Variants in NLRP1 observed in about 807,000 individuals in gnomAD.
NLRP1 encodes the protein NACHT, LRR and PYD domains-containing protein 1.
Under a neutral mutation model 136.7 loss-of-function variants are expected in NLRP1, and 94 were observed. The observed-to-expected ratio is 0.69, with a 90% CI of 0.58 to 0.82. The LOEUF (loss-of-function observed/expected upper bound fraction) is 0.82, where lower values mean the gene tolerates loss of function less well. Ranked by LOEUF, NLRP1 falls within the 40% of genes least tolerant of loss-of-function variation. NLRP1 has a pLI of 0.00. For missense variants in NLRP1, 1,575 were observed against 1,802.7 expected, an observed-to-expected ratio of 0.87 and a Z score of 2.29; for synonymous variants, 690 against 725.1, an observed-to-expected ratio of 0.95 and a Z score of 0.78.
rs188582883 is a variant in NLRP1 at position 5,574,503 on chromosome 17, T to C, written c.652+7356A>G. ...GAAGAGCAACTCCAAGACACATAAT[T>C]GTCAGATTCACCAAAGCTGAAATGA... On this transcript the variant is annotated intron_variant, in intron 3 of 16. Coordinates refer to ENST00000572272, the MANE Select transcript of NLRP1 (RefSeq NM_033004.4). Among the ~76,000 whole-genome samples, 424 of 152,096 alleles carry C rather than the reference T, an allele frequency of 2.8e-3. 1 individual carries two copies. The highest frequency in any genetic ancestry group is 9.8e-3 in the African/African-American group (405 of 41,474).
chr17:5,506,558 T>C (rs1475925388), intron 15 of NLRP1, among the ~76,000 whole-genome samples: 1 of 152,010 alleles, frequency 6.6e-6, no homozygotes, highest in Non-Finnish European at 1.5e-5. Context: ...AACCAAAATG[T>C]GGCATAGACA....
At chr17:5,521,835 T>G (rs775803374) in intron 12 of NLRP1, 49 bp from the exon 13 acceptor site, 1 of 1,512,302 alleles carries the variant, frequency 6.6e-7, no homozygotes, top group Admixed American at 2.2e-5. Flanking sequence ...TATTTATTTA[T>G]TTTGTTGAGA....
At chr17:5,572,976 C>G (rs899658015) in intron 3 of NLRP1, among the ~76,000 whole-genome samples, 1 of 152,080 alleles carries the variant, frequency 6.6e-6, no homozygotes, top group African/African-American at 2.4e-5. Flanking sequence ...GGGTGCAGGA[C>G]AGTGGGTGCA....
chr17:5,548,537 C>G (rs756129371), intron 5 of NLRP1, among the ~76,000 whole-genome samples: 1 of 152,164 alleles, frequency 6.6e-6, no homozygotes, highest in Non-Finnish European at 1.5e-5. Context: ...TTTACTCAGC[C>G]CACCATCCCC....
Position 5,558,827 on chromosome 17 carries a change from G to A in NLRP1, c.1869C>T (p.His623=). ...HPIPLSYSFI[H]LCFQEFFAAM... Reference sequence around the variant, plus strand: ...CTGCAAAGAACTCTTGGAAACAGAGGTGAATGAAGCTGTAGCTCAGAGGGA... The same window carrying A: ...CTGCAAAGAACTCTTGGAAACAGAGATGAATGAAGCTGTAGCTCAGAGGGA... Residue 623 remains histidine (H), a synonymous_variant, in exon 4 of 17, where the codon CAC becomes CAT. Coordinates refer to ENST00000572272, the MANE Select transcript of NLRP1 (RefSeq NM_033004.4). 1 of 1,614,222 alleles carries A rather than the reference G, an allele frequency of 6.2e-7. No homozygotes were observed. Among genetic ancestry groups the A allele is most frequent in the Non-Finnish European group, 8.5e-7 (1 of 1,180,028 alleles).
chr17:5,545,830 C>G (rs1347920306), intron 5 of NLRP1, among the ~76,000 whole-genome samples: 1 of 152,246 alleles, frequency 6.6e-6, no homozygotes, highest in Non-Finnish European at 1.5e-5. Context: ...TTCTACCCAC[C>G]TGGCTTATCT....
chr17:5,581,799 T>C, intron 3 of NLRP1, 60 bp downstream of exon 3: 2 of 1,371,188 alleles, frequency 1.5e-6, no homozygotes, highest in Non-Finnish European at 2.1e-6. Context: ...AGGGGACTCT[T>C]TGTCCATACA....
intron 15 of NLRP1, chr17:5,502,044 C>A (rs1361774742): frequency 1.6e-6 from 1 of 607,566 alleles, no homozygotes; most frequent in Non-Finnish European, 3.0e-6. Context: ...GATGCTGAAA[C>A]GCTGTAACCA....
In NLRP1 at chr17:5,521,098, T is replaced by C. The variant is rs546172260; in HGVS notation, c.3784-86A>G. The C allele has an allele frequency of 3.7e-6, 5 of 1,366,734 alleles. No homozygotes were observed. In the East Asian group the frequency reaches 7.0e-5, roughly 19 times the overall value. The allele number at this position is 1,366,734 out of a possible 1,614,324, so 84.7% of individuals were successfully genotyped here. A position where few individuals can be genotyped will look rare whatever the true frequency, so the allele number is the denominator to read the frequency against. ...TAGGGGGGATGGTGCATCTGTGTGT[T>C]TGTGTGGACAGAGTGGGGCTATATC... On this transcript the variant is annotated intron_variant, in intron 13 of 16. Transcript: ENST00000572272.
At chr17:5,520,068 G>A (rs1220369885) in intron 14 of NLRP1, among the ~76,000 whole-genome samples, 2 of 151,334 alleles carry the variant, frequency 1.3e-5, no homozygotes, top group Non-Finnish European at 2.9e-5. Context: ...TGTTGGCCAG[G>A]CTGGTCTCGA....
chr17:5,551,664 G>A (rs923761711), intron 5 of NLRP1, among the ~76,000 whole-genome samples: 1 of 152,188 alleles, frequency 6.6e-6, no homozygotes, highest in African/African-American at 2.4e-5. Context: ...GAGAGTTCCT[G>A]TTTTTCCACA....
rs367563971 is a variant in NLRP1, at chr17:5,521,507, C to T, written c.3783+17G>A. On this transcript the variant is annotated intron_variant, in intron 13 of 16. Coordinates refer to ENST00000572272, the MANE Select transcript of NLRP1 (RefSeq NM_033004.4). ...GTCAACCCACCGTGGCCCAGCCTTT[C>T]TGGCTCTTAGTGTCACCTTCCGAAT... 6.2e-7 allele frequency: 1 copy of T among 1,607,746 alleles called. No individual in the cohort carries two copies. Among genetic ancestry groups the T allele is most frequent in the East Asian group, 2.2e-5 (1 of 44,768 alleles).
intron 7 of NLRP1, among the ~76,000 whole-genome samples, chr17:5,538,172 G>A (rs1435371656): frequency 2.0e-5 from 3 of 152,204 alleles, no homozygotes; most frequent in African/African-American, 7.2e-5. Flanking sequence ...CAGGGCCCCT[G>A]GCAGGAGCCG....
intron 4 of NLRP1, among the ~76,000 whole-genome samples, chr17:5,553,883 T>G (rs1030321053): frequency 1.3e-5 from 2 of 150,694 alleles, no homozygotes; most frequent in Admixed American, 1.3e-4. Context: ...AAATCTGCAC[T>G]GCTCAGCATA....
intron 12 of NLRP1, among the ~76,000 whole-genome samples, chr17:5,522,787 G>A (rs1476399918): frequency 6.6e-6 from 1 of 152,180 alleles, no homozygotes; most frequent in Non-Finnish European, 1.5e-5. Flanking sequence ...TGCTGGTGTG[G>A]ATTCTCTATG....
chr17:5,580,283 C>T (rs1432195552), intron 3 of NLRP1, among the ~76,000 whole-genome samples: 1 of 151,918 alleles, frequency 6.6e-6, no homozygotes, highest in African/African-American at 2.4e-5. Context: ...AAAACAAAAA[C>T]AAAAACAAAC....
At chr17:5,534,110 C>T in intron 8 of NLRP1, 122 bp from the exon 9 acceptor site, 1 of 772,082 alleles carries the variant, frequency 1.3e-6, no homozygotes, top group Non-Finnish European at 2.4e-6. Flanking sequence ...GTCTGTAATC[C>T]TCGCACTTTG....
rs1435608307 is a variant in NLRP1, at chr17:5,541,192, C to G, written c.2699+665G>C. ...CCCTGAGTAGCTGGGATTACAGGTG[C>G]CCACCATCACGCCTGGCTACTTTGT... On this transcript the variant is annotated intron_variant, in intron 6 of 16. Transcript: ENST00000572272. This position sits in a 1 kb window ranked among gnomAD's most constrained non-coding sequence, Gnocchi z 4.2. Among the ~76,000 whole-genome samples, 1 of 152,060 alleles carries G rather than the reference C, an allele frequency of 6.6e-6. No individual in the cohort carries two copies. The highest frequency in any genetic ancestry group is 1.5e-5 in the Non-Finnish European group (1 of 68,012).
At chr17:5,548,924 G>C (rs1913000192) in intron 5 of NLRP1, among the ~76,000 whole-genome samples, 1 of 152,134 alleles carries the variant, frequency 6.6e-6, no homozygotes, top group Admixed American at 6.5e-5. Flanking sequence ...CCCCAGGCTT[G>C]ACATGCAATC....
Sources: allele counts gnomAD v4.1 joint callset (sites outside exome capture counted in the v4.1 genomes callset), GRCh38; gene constraint gnomAD v4.1.1; non-coding constraint Gnocchi (gnomAD v3.1); transcripts MANE v1.5; gene names NCBI Gene and HGNC (gene_info 2026-07-23, HGNC 2026-07-21).